Variants in TOGARAM1 observed in about 807,000 individuals in gnomAD.
TOGARAM1 encodes the protein TOG array regulator of axonemal microtubules 1.
Under a neutral mutation model 166.6 loss-of-function variants are expected in TOGARAM1, and 100 were observed. The observed-to-expected ratio is 0.60, with a 90% CI of 0.51 to 0.71. TOGARAM1 has a LOEUF of 0.71. Among genes scored for constraint, TOGARAM1 ranks in the 30% least tolerant of loss-of-function variants. The probability of loss-of-function intolerance (pLI) is 0.00; values close to 1 mark genes in which losing one functional copy is unlikely to be tolerated. For missense variants in TOGARAM1, 2,029 were observed against 2,102.7 expected (o/e 0.96, Z 0.69); for synonymous variants, 758 against 763.8 (o/e 0.99, Z 0.13).
intron 16 of TOGARAM1, among the ~76,000 whole-genome samples, chr14:45,065,381 G>A (rs557970593): frequency 6.6e-6 from 1 of 152,142 alleles, no homozygotes; most frequent in Admixed American, 6.5e-5. Flanking sequence ...ACTAATGATG[G>A]CTGATGAGCT....
chr14:45,027,182 T>C, intron 8 of TOGARAM1, 117 bp from the exon 9 acceptor site: 1 of 948,790 alleles, frequency 1.1e-6, no homozygotes, highest in Admixed American at 2.6e-5. Context: ...TTTAGCATGT[T>C]TTTCTTACTA....
intron 14 of TOGARAM1, 47 bp downstream of exon 14, chr14:45,046,750 A>T (rs1882085722): frequency 8.1e-7 from 1 of 1,227,692 alleles, no homozygotes; most frequent in Middle Eastern, 2.1e-4. Flanking sequence ...ATAAGGGCTT[A>T]AAAGTAGGAA....
At chr14:44,966,253 C>A (rs149503839) in intron 1 of TOGARAM1, among the ~76,000 whole-genome samples, 7,008 of 151,732 alleles carry the variant, frequency 0.046, 529 homozygotes, top group African/African-American at 0.16. Flanking sequence ...AGGCAGATAA[C>A]CTGAGGTCAG....
At chr14:45,038,976 A>T (rs1159695050) in intron 11 of TOGARAM1, among the ~76,000 whole-genome samples, 1 of 152,088 alleles carries the variant, frequency 6.6e-6, no homozygotes, top group African/African-American at 2.4e-5. Context: ...CCCTCAGTGG[A>T]GGGGAGACCC....
chr14:44,963,585 T>G lies in TOGARAM1; in HGVS notation c.1164T>G (p.Pro388=). The change falls in exon 1 of 20, where the codon CCT becomes CCG. Residue 388 remains proline, a synonymous_variant. Coordinates refer to ENST00000361462, the MANE Select transcript of TOGARAM1 (RefSeq NM_001308120.2). ...GAAAATTTAACCCTAGTTCTACTCC[T>G]CATTCTAGTCTTGTTGGCTTCATTA... ...VLGKFNPSST[P]HSSLVGFISL... is the part of the protein sequence containing the mutation. 5 of 1,613,760 alleles carry G rather than the reference T, an allele frequency of 3.1e-6. No individual in the cohort carries two copies. The highest frequency in any genetic ancestry group is 2.2e-5 in the South Asian group (2 of 91,036).
At chr14:44,965,024 C>T (rs180787004) in intron 1 of TOGARAM1, among the ~76,000 whole-genome samples, 1 of 149,690 alleles carries the variant, frequency 6.7e-6, no homozygotes, top group Non-Finnish European at 1.5e-5. Context: ...CTGAGATTTT[C>T]CCCCCAAAGC....
chr14:45,044,210 A>C (rs1300920142), intron 12 of TOGARAM1, among the ~76,000 whole-genome samples: 1 of 152,038 alleles, frequency 6.6e-6, no homozygotes. Context: ...GGCTTTGACC[A>C]TATTGGCCAG....
Position 45,052,801 on chromosome 14 carries a change from C to T in TOGARAM1, c.4440+239C>T, listed in dbSNP as rs1375385620. ...TGATGTTTGGTAGAATATAGTTTGG[C>T]TTATTGGAGTTAACAAGACATGGGT... is the stretch of plus-strand genomic sequence containing the variant. On this transcript the variant is annotated intron_variant, in intron 15 of 19. Coordinates refer to ENST00000361462, the MANE Select transcript of TOGARAM1 (RefSeq NM_001308120.2). Among the ~76,000 whole-genome samples the T allele has an allele frequency of 2.6e-5, 4 of 152,144 alleles. No homozygotes were observed. In the East Asian group the frequency reaches 7.7e-4, roughly 29 times the overall value.
intron 1 of TOGARAM1, among the ~76,000 whole-genome samples, chr14:44,985,074 C>T (rs925205453): frequency 9.2e-5 from 14 of 151,840 alleles, no homozygotes; most frequent in South Asian, 2.1e-4. Context: ...AGTGCAGTGG[C>T]GCAATCTTGG....
At chr14:44,980,831 G>A (rs1886489865) in intron 1 of TOGARAM1, among the ~76,000 whole-genome samples, 1 of 152,140 alleles carries the variant, frequency 6.6e-6, no homozygotes, top group Admixed American at 6.6e-5. Context: ...TTCTCTTTTG[G>A]GGGAGGGGGT....
At chr14:44,992,652 C>G (rs1319800605) in intron 1 of TOGARAM1, among the ~76,000 whole-genome samples, 1 of 122,408 alleles carries the variant, frequency 8.2e-6, no homozygotes, top group African/African-American at 3.3e-5. Context: ...GAGTCTCCCT[C>G]TGCCTCCCAG....
In TOGARAM1 at chr14:45,004,074, C is replaced by A; in HGVS notation, c.2352C>A (p.Leu784=). ...SSHQEKVYAS[L]NFGSKTQQTF... The stretch of plus-strand genomic sequence containing the variant: ...GTTTTATTACAGTGTATGCTAGCCT[C>A]AATTTTGGCAGTAAGACACAGCAAA... Residue 784 remains leucine, a synonymous_variant, in exon 4 of 20, where the codon CTC becomes CTA. Transcript: ENST00000361462. 1 of 1,613,902 alleles carries A rather than the reference C, an allele frequency of 6.2e-7. No homozygotes were observed. The highest frequency in any genetic ancestry group is 8.5e-7 in the Non-Finnish European group (1 of 1,179,898).
chr14:44,964,530 A>G, intron 1 of TOGARAM1, 63 bp downstream of exon 1: 1 of 1,496,668 alleles, frequency 6.7e-7, no homozygotes, highest in Non-Finnish European at 8.9e-7. Flanking sequence ...TATGCCCGTG[A>G]TGACTTAAGG....
At chr14:45,057,984 G>A (rs1882721284) in intron 16 of TOGARAM1, among the ~76,000 whole-genome samples, 1 of 152,158 alleles carries the variant, frequency 6.6e-6, no homozygotes, top group Non-Finnish European at 1.5e-5. Context: ...TTTAAGTTCA[G>A]TGTTTCTTTG....
intron 1 of TOGARAM1, among the ~76,000 whole-genome samples, chr14:44,968,719 A>T (rs1885702319): frequency 6.6e-6 from 1 of 152,210 alleles, no homozygotes; most frequent in East Asian, 1.9e-4. Flanking sequence ...ATTATCACCC[A>T]AGGCCCATAG....
intron 8 of TOGARAM1, among the ~76,000 whole-genome samples, chr14:45,026,572 A>G (rs1274000472): frequency 6.6e-6 from 1 of 152,126 alleles, no homozygotes; most frequent in East Asian, 1.9e-4. Context: ...CTCCACATAA[A>G]TGCTTTAGAA....
At chr14:45,049,932 T>A (rs1882279528) in intron 14 of TOGARAM1, among the ~76,000 whole-genome samples, 1 of 152,216 alleles carries the variant, frequency 6.6e-6, no homozygotes, top group African/African-American at 2.4e-5. Context: ...TTGTCATTTC[T>A]TAGATTCTTA....
intron 14 of TOGARAM1, among the ~76,000 whole-genome samples, chr14:45,051,266 A>T (rs985720490): frequency 2.6e-5 from 4 of 152,202 alleles, no homozygotes; most frequent in African/African-American, 9.6e-5. Context: ...AAGAATCAGA[A>T]CCCTGGTAAG....
In TOGARAM1 at chr14:44,995,183, A is replaced by G. The variant is rs115680270; in HGVS notation, c.2047-563A>G. The stretch of plus-strand genomic sequence containing the variant: ...GTTTATGAGAAAGGACTTGGAAACT[A>G]TGAAGTACTATACATATATAAAGTA... On this transcript the variant is annotated intron_variant, in intron 1 of 19. Transcript: ENST00000361462. Among the ~76,000 whole-genome samples the G allele has an allele frequency of 2.4e-3, 359 of 152,340 alleles. 1 individual carries two copies. Among genetic ancestry groups the G allele is most frequent in the African/African-American group, 8.4e-3 (349 of 41,578 alleles).
Sources: gnomAD v4.1 joint callset for allele counts (sites outside exome capture counted in the v4.1 genomes callset) on GRCh38, gnomAD v4.1.1 for gene constraint, MANE v1.5 for transcripts, NCBI Gene and HGNC (gene_info 2026-07-23, HGNC 2026-07-21) for gene names.